The following EML1 variants were observed in gnomAD, a reference collection of about 807,000 sequenced individuals.
The protein encoded by EML1 is echinoderm microtubule-associated protein-like 1.
EML1 carries 27 observed loss-of-function variants against 110.4 expected under a neutral mutation model. The observed-to-expected ratio is 0.24, with a 90% CI of 0.18 to 0.34. The LOEUF is 0.34. Ranked by LOEUF, EML1 falls within the 10% of genes least tolerant of loss-of-function variation. The probability of loss-of-function intolerance (pLI) is 1.00; values close to 1 mark genes in which losing one functional copy is unlikely to be tolerated. For missense variants in EML1, 741 were observed against 1,030.9 expected, an observed-to-expected ratio of 0.72 and a Z score of 3.85; for synonymous variants, 344 against 385.8, an observed-to-expected ratio of 0.89 and a Z score of 1.27.
At chr14:99,743,108 C>G (rs1338257655) in intron 1 of EML1, among the ~76,000 whole-genome samples, 1 of 152,204 alleles carries the variant, frequency 6.6e-6, no homozygotes, top group East Asian at 1.9e-4. Flanking sequence ...ACCGCACTCC[C>G]AACCCATGGG....
chr14:99,748,752 A>G (rs1388355295), intron 1 of EML1, among the ~76,000 whole-genome samples: 1 of 152,238 alleles, frequency 6.6e-6, no homozygotes, highest in Non-Finnish European at 1.5e-5. Context: ...AACCATCACC[A>G]CAATCAAATT....
At chr14:99,893,207 G>A (rs1408407989) in intron 5 of EML1, among the ~76,000 whole-genome samples, 1 of 152,218 alleles carries the variant, frequency 6.6e-6, no homozygotes, top group African/African-American at 2.4e-5. Flanking sequence ...TAGACCTGCT[G>A]GATCCAGCAA....
chr14:99,830,805 C>A (rs2058438120), intron 1 of EML1, among the ~76,000 whole-genome samples: 1 of 152,194 alleles, frequency 6.6e-6, no homozygotes, highest in Non-Finnish European at 1.5e-5. Flanking sequence ...CCCGCCTCAG[C>A]CTCCTAAAGT....
intron 1 of EML1, among the ~76,000 whole-genome samples, chr14:99,811,544 T>C (rs1464481357): frequency 2.0e-5 from 3 of 151,164 alleles, no homozygotes; most frequent in African/African-American, 7.3e-5. Flanking sequence ...GGCTCATGCC[T>C]GTAATCCCAA....
chr14:99,885,533 T>A (rs988738965), intron 4 of EML1, among the ~76,000 whole-genome samples: 1 of 152,244 alleles, frequency 6.6e-6, no homozygotes, highest in African/African-American at 2.4e-5. Context: ...ATTCAAGAAC[T>A]ATGTAAACAG....
chr14:99,809,642 C>T lies in EML1; in HGVS notation c.67+16099C>T, dbSNP rs1241953124. ...AGTCAGGCCTGCAACGTCTTATCTG[C>T]GATTTCAACATCCAGAAAGCTGTGA... On this transcript the variant is annotated intron_variant, in intron 1 of 21. Coordinates refer to ENST00000262233, the MANE Select transcript of EML1 (RefSeq NM_004434.3). 5 of 455,972 alleles carry T rather than the reference C, an allele frequency of 1.1e-5. No individual in the cohort carries two copies. In the Admixed American group the frequency reaches 1.2e-4, roughly 11 times the overall value. The allele number at this position is 455,972 out of a possible 1,614,324, so 28.2% of individuals were successfully genotyped here. A position where few individuals can be genotyped will look rare whatever the true frequency, so the allele number is the denominator to read the frequency against.
At chr14:99,807,463 G>A (rs919114564) in intron 1 of EML1, among the ~76,000 whole-genome samples, 2 of 152,198 alleles carry the variant, frequency 1.3e-5, no homozygotes, top group African/African-American at 2.4e-5. Flanking sequence ...CTGTTGTGAA[G>A]GTTGGTGCAA....
intron 1 of EML1, among the ~76,000 whole-genome samples, chr14:99,776,206 A>G (rs892630301): frequency 3.3e-5 from 5 of 152,220 alleles, no homozygotes; most frequent in African/African-American, 1.2e-4. Flanking sequence ...GAAATATAAA[A>G]ACCTGTGAAA....
At chr14:99,757,166 C>T (rs1486542714) in intron 1 of EML1, among the ~76,000 whole-genome samples, 5 of 152,080 alleles carry the variant, frequency 3.3e-5, no homozygotes, top group African/African-American at 4.8e-5. Context: ...GTGGAGAAAC[C>T]GCATCTCTAC....
chr14:99,778,595 A>G (rs2057507628), intron 1 of EML1, among the ~76,000 whole-genome samples: 1 of 152,090 alleles, frequency 6.6e-6, no homozygotes, highest in Non-Finnish European at 1.5e-5. Context: ...AATCCCATGT[A>G]ATCTTTCTTG....
chr14:99,849,016 GA>G (rs1373950266), intron 1 of EML1, among the ~76,000 whole-genome samples: 1 of 151,678 alleles, frequency 6.6e-6, no homozygotes, highest in African/African-American at 2.4e-5. Flanking sequence ...AAGGAAAAAG[GA>G]AAAAAATGAG....
At chr14:99,748,971 G>T (rs2057144606) in intron 1 of EML1, among the ~76,000 whole-genome samples, 1 of 152,192 alleles carries the variant, frequency 6.6e-6, no homozygotes, top group Non-Finnish European at 1.5e-5. Context: ...GTTCATTCGT[G>T]TTGGAGCCTG....
chr14:99,779,661 C>T (rs2057519061), intron 1 of EML1, among the ~76,000 whole-genome samples: 1 of 152,230 alleles, frequency 6.6e-6, no homozygotes, highest in African/African-American at 2.4e-5. Context: ...TAAAAAAGGT[C>T]CTTCCACACT....
intron 9 of EML1, among the ~76,000 whole-genome samples, chr14:99,904,620 CACAG>C (rs1282095167): frequency 1.3e-5 from 2 of 152,166 alleles, no homozygotes; most frequent in African/African-American, 4.8e-5. Flanking sequence ...CATGTAAATA[CACAG>C]ACAGAAAATA....
intron 1 of EML1, among the ~76,000 whole-genome samples, chr14:99,783,980 G>A (rs990018124): frequency 2.6e-5 from 4 of 152,264 alleles, no homozygotes; most frequent in Non-Finnish European, 5.9e-5. Context: ...CTGTTGATTG[G>A]TGGAGATGCT....
intron 1 of EML1, among the ~76,000 whole-genome samples, chr14:99,748,877 G>A (rs1031827328): frequency 8.5e-5 from 13 of 152,126 alleles, no homozygotes; most frequent in Non-Finnish European, 5.9e-5. Context: ...GTAGATTTGC[G>A]TATTCTGCAT....
intron 2 of EML1, among the ~76,000 whole-genome samples, chr14:99,864,569 T>G (rs565018143): frequency 1.1e-3 from 172 of 152,152 alleles, no homozygotes; most frequent in African/African-American, 3.8e-3. Flanking sequence ...ATCCCAACAC[T>G]GGGAGGCCGA....
intron 17 of EML1, among the ~76,000 whole-genome samples, chr14:99,930,857 T>C (rs919914094): frequency 6.6e-6 from 1 of 152,214 alleles, no homozygotes; most frequent in Non-Finnish European, 1.5e-5. Flanking sequence ...GGTAAAAATC[T>C]GAATGTGAAG....
At chr14:99,886,405 C>T (rs1279385594) in intron 4 of EML1, among the ~76,000 whole-genome samples, 1 of 151,816 alleles carries the variant, frequency 6.6e-6, no homozygotes, top group Admixed American at 6.6e-5. Context: ...TGGCTTGAGC[C>T]AGGAGGTGGA....
Sources: allele counts gnomAD v4.1 joint callset (sites outside exome capture counted in the v4.1 genomes callset), GRCh38; gene constraint gnomAD v4.1.1; transcripts MANE v1.5; gene names NCBI Gene and HGNC (gene_info 2026-07-23, HGNC 2026-07-21).